Variants in ZFHX4 observed in about 807,000 individuals in gnomAD.
The protein encoded by ZFHX4 is zinc finger homeobox 4, also known as zinc finger homeobox protein 4.
A neutral mutation model predicts 267.6 loss-of-function variants in ZFHX4; 56 were observed. The ratio of observed to expected loss-of-function variants is 0.21; its 90% CI spans 0.17 to 0.26. ZFHX4 has a LOEUF of 0.26. Among genes scored for constraint, ZFHX4 ranks in the 10% least tolerant of loss-of-function variants. The probability of loss-of-function intolerance (pLI) is 1.00; values close to 1 mark genes in which losing one functional copy is unlikely to be tolerated. For missense variants in ZFHX4, 4,332 were observed against 4,420.0 expected (o/e 0.98, Z 0.56); for synonymous variants, 1,778 against 1,665.6 (o/e 1.07, Z -1.64).
chr8:76,689,886 C>A (rs1807782941), intron 1 of ZFHX4, among the ~76,000 whole-genome samples: 1 of 152,084 alleles, frequency 6.6e-6, no homozygotes, highest in Non-Finnish European at 1.5e-5. Context: ...ATATAATTAA[C>A]CACTTTAACA....
chr8:76,696,589 A>G (rs144219135), intron 1 of ZFHX4, among the ~76,000 whole-genome samples: 28 of 150,668 alleles, frequency 1.9e-4, no homozygotes, highest in African/African-American at 6.5e-4. Flanking sequence ...TAATTACTGA[A>G]TTGCTCACTT....
chr8:76,853,254 A>G lies in ZFHX4; in HGVS notation c.6333A>G (p.Gln2111=), dbSNP rs1381804750. ...ACGCACTCTCTGCAGACCTCACCCA[A>G]CTTTGCCAGCAGCAGCTCGGATTAG... ...QMDALSADLT[Q]LCQQQLGLDP... is the part of the protein sequence containing the mutation. Residue 2111 remains glutamine, a synonymous_variant, in exon 10 of 11, where the codon CAA becomes CAG. Coordinates refer to ENST00000651372, the MANE Select transcript of ZFHX4 (RefSeq NM_024721.5). 8 of 1,589,332 alleles carry G rather than the reference A, an allele frequency of 5.0e-6. No homozygotes were observed. The highest frequency in any genetic ancestry group is 2.7e-5 in the African/African-American group (2 of 74,156).
intron 3 of ZFHX4, among the ~76,000 whole-genome samples, chr8:76,734,988 G>C (rs896944803): frequency 2.0e-5 from 3 of 152,098 alleles, no homozygotes; most frequent in African/African-American, 7.2e-5. Context: ...GAAGAAACAT[G>C]ATACTCTATT....
At chr8:76,799,142 C>T (rs943111545) in intron 4 of ZFHX4, among the ~76,000 whole-genome samples, 5 of 152,098 alleles carry the variant, frequency 3.3e-5, no homozygotes, top group African/African-American at 4.8e-5. Flanking sequence ...GTTTTTCCCT[C>T]GCACAGGGTA....
At chr8:76,709,786 T>C (rs1285618462) in intron 3 of ZFHX4, among the ~76,000 whole-genome samples, 1 of 140,752 alleles carries the variant, frequency 7.1e-6, no homozygotes, top group African/African-American at 2.9e-5. Flanking sequence ...TGTGTGCGTG[T>C]GTGTGCGTGT....
intron 3 of ZFHX4, among the ~76,000 whole-genome samples, chr8:76,752,971 G>C (rs980251116): frequency 6.6e-6 from 1 of 152,072 alleles, no homozygotes; most frequent in African/African-American, 2.4e-5. Flanking sequence ...TTTTGTTTTT[G>C]TGTTGTTTTA....
intron 4 of ZFHX4, among the ~76,000 whole-genome samples, chr8:76,795,401 G>A (rs1008140324): frequency 6.6e-6 from 1 of 152,056 alleles, no homozygotes; most frequent in Non-Finnish European, 1.5e-5. Flanking sequence ...AGCCACCTGA[G>A]TAGCTTGCAC....
At chr8:76,757,099 C>A (rs1254637834) in intron 3 of ZFHX4, among the ~76,000 whole-genome samples, 1 of 152,012 alleles carries the variant, frequency 6.6e-6, no homozygotes, top group Non-Finnish European at 1.5e-5. Context: ...GCAGTAATTT[C>A]TCTCTCCTGA....
At chr8:76,722,608 T>G (rs998221949) in intron 3 of ZFHX4, among the ~76,000 whole-genome samples, 1 of 130,872 alleles carries the variant, frequency 7.6e-6, no homozygotes, top group African/African-American at 3.2e-5. Context: ...TTTTTATGTG[T>G]TTTTTTTTTG....
rs116338830 is a variant in ZFHX4 at position 76,760,865 on chromosome 8, G to A, written c.3094-17343G>A. Reference sequence around the variant, plus strand: ...GTCTGCTCGAGCCAAAGCGATTGAGGCTGCAGTGAGCAGTGATCAGGCGGC... The same window carrying A: ...GTCTGCTCGAGCCAAAGCGATTGAGACTGCAGTGAGCAGTGATCAGGCGGC... On this transcript the variant is annotated intron_variant, in intron 3 of 10. Transcript: ENST00000651372. Among the ~76,000 whole-genome samples the A allele has an allele frequency of 8.9e-3, 1,337 of 149,432 alleles. 17 individuals carry two copies. Among genetic ancestry groups the A allele is most frequent in the African/African-American group, 0.031 (1,260 of 40,150 alleles).
chr8:76,718,935 T>TCACACACACA (rs34486060), intron 3 of ZFHX4, among the ~76,000 whole-genome samples: 3,042 of 141,324 alleles, frequency 0.022, 43 homozygotes, highest in African/African-American at 0.023. Flanking sequence ...CTGAAATTGA[T>TCACACACACA]CACACACACA....
intron 3 of ZFHX4, among the ~76,000 whole-genome samples, chr8:76,749,156 C>T (rs1809548746): frequency 6.6e-6 from 1 of 152,164 alleles, no homozygotes; most frequent in Admixed American, 6.5e-5. Context: ...ACTTCTGGTG[C>T]ATGGTGTTCC....
At chr8:76,837,047 G>C (rs546127053) in intron 5 of ZFHX4, among the ~76,000 whole-genome samples, 1 of 152,104 alleles carries the variant, frequency 6.6e-6, no homozygotes, top group South Asian at 2.1e-4. Flanking sequence ...AGCATCAAGA[G>C]CTCTGATTTT....
intron 3 of ZFHX4, chr8:76,708,291 G>A (rs1808334046): frequency 1.9e-6 from 1 of 524,514 alleles, no homozygotes; most frequent in African/African-American, 1.9e-5. Flanking sequence ...TTTCTTCACT[G>A]GCTTCCCCAA....
Position 76,681,461 on chromosome 8 carries a change from G to T in ZFHX4, c.-206G>T. 1 of 396,736 alleles carries T rather than the reference G, an allele frequency of 2.5e-6. No individual in the cohort carries two copies. Among genetic ancestry groups the T allele is most frequent in the Non-Finnish European group, 4.4e-6 (1 of 225,648 alleles). The allele number at this position is 396,736 out of a possible 1,614,324, so 24.6% of individuals were successfully genotyped here. ...CATGCCCCCCACTTTCTGCTCCAGCGTTTTTATTTTCACCCAATAAAGTTC... is the reference window on the plus strand; with the variant it reads ...CATGCCCCCCACTTTCTGCTCCAGCTTTTTTATTTTCACCCAATAAAGTTC... On this transcript the variant is annotated 5_prime_UTR_variant, in exon 1 of 11. Coordinates refer to ENST00000651372, the MANE Select transcript of ZFHX4 (RefSeq NM_024721.5).
At chr8:76,818,572 G>A (rs1348620561) in intron 4 of ZFHX4, among the ~76,000 whole-genome samples, 1 of 151,988 alleles carries the variant, frequency 6.6e-6, no homozygotes, top group Non-Finnish European at 1.5e-5. Context: ...CAACATACTG[G>A]GAGGCTGGCA....
intron 3 of ZFHX4, among the ~76,000 whole-genome samples, chr8:76,718,782 T>C (rs758011150): frequency 1.2e-4 from 19 of 152,064 alleles, no homozygotes; most frequent in Admixed American, 9.8e-4. Context: ...CACATTTCCT[T>C]AGATGTATGT....
intron 6 of ZFHX4, among the ~76,000 whole-genome samples, chr8:76,846,725 A>T (rs754855225): frequency 6.6e-6 from 1 of 152,086 alleles, no homozygotes; most frequent in Non-Finnish European, 1.5e-5. Flanking sequence ...ACATTTTTTG[A>T]TCCCTGACAG....
At chr8:76,728,841 T>C (rs923598787) in intron 3 of ZFHX4, among the ~76,000 whole-genome samples, 2 of 152,180 alleles carry the variant, frequency 1.3e-5, no homozygotes, top group African/African-American at 4.8e-5. Context: ...TCACAACTAG[T>C]TCTATTAATT....
Sources: allele counts gnomAD v4.1 joint callset (sites outside exome capture counted in the v4.1 genomes callset), GRCh38; gene constraint gnomAD v4.1.1; transcripts MANE v1.5; gene names NCBI Gene and HGNC (gene_info 2026-07-23, HGNC 2026-07-21).